The following TAF3 variants were observed in gnomAD, a reference collection of about 807,000 sequenced individuals.
TAF3 encodes TATA-box binding protein associated factor 3.
Under a neutral mutation model 80.6 loss-of-function variants are expected in TAF3, and 7 were observed. That is an observed-to-expected ratio of 0.09 (90% CI 0.05 to 0.16). The LOEUF is 0.16. Among genes scored for constraint, TAF3 ranks in the 10% least tolerant of loss-of-function variants. TAF3 has a pLI of 1.00. For missense variants in TAF3, 921 were observed against 1,140.2 expected, an observed-to-expected ratio of 0.81 and a Z score of 2.77; for synonymous variants, 444 against 446.1, an observed-to-expected ratio of 1.00 and a Z score of 0.06.
intron 2 of TAF3, among the ~76,000 whole-genome samples, chr10:7,935,515 C>G (rs1837909754): frequency 6.6e-6 from 1 of 151,996 alleles, no homozygotes; most frequent in African/African-American, 2.4e-5. Flanking sequence ...ACCCGGGAGG[C>G]GGAGCTTGCA....
intron 3 of TAF3, among the ~76,000 whole-genome samples, chr10:7,966,305 A>G (rs1831570967): frequency 6.6e-6 from 1 of 152,210 alleles, no homozygotes; most frequent in Non-Finnish European, 1.5e-5. Context: ...TTAATAAGAT[A>G]AGGGCACATT....
chr10:7,863,103 A>G (rs1837163398), intron 2 of TAF3, among the ~76,000 whole-genome samples: 1 of 152,184 alleles, frequency 6.6e-6, no homozygotes, highest in African/African-American at 2.4e-5. Flanking sequence ...TTCTGTGAAA[A>G]TCCAGGAAAC....
chr10:7,977,212 AT>A, intron 3 of TAF3, 28 bp from the exon 4 acceptor site: 1 of 1,611,014 alleles, frequency 6.2e-7, no homozygotes, highest in Non-Finnish European at 8.5e-7. Context: ...GAAAAACCAT[AT>A]TGAACTTTAA....
chr10:7,836,389 C>T (rs1836852705), intron 2 of TAF3, among the ~76,000 whole-genome samples: 1 of 151,604 alleles, frequency 6.6e-6, no homozygotes, highest in African/African-American at 2.4e-5. Context: ...ATTCTCCTGT[C>T]TCAGCCTCCC....
chr10:7,934,306 G>A (rs1837895941), intron 2 of TAF3, among the ~76,000 whole-genome samples: 1 of 152,234 alleles, frequency 6.6e-6, no homozygotes, highest in East Asian at 1.9e-4. Flanking sequence ...TAATTGGCAG[G>A]AGTTTTTTCG....
intron 2 of TAF3, among the ~76,000 whole-genome samples, chr10:7,872,213 A>ATTT (rs34945620): frequency 0.22 from 26,457 of 122,186 alleles, 2,532 homozygotes; most frequent in East Asian, 0.3. Flanking sequence ...TGTTGGGTTG[A>ATTT]TTTTTTTTTT....
intron 4 of TAF3, among the ~76,000 whole-genome samples, chr10:8,001,795 A>T (rs1013438716): frequency 6.6e-6 from 1 of 152,172 alleles, no homozygotes; most frequent in Non-Finnish European, 1.5e-5. Context: ...TAACTATACC[A>T]TCCAACAAGT....
chr10:7,947,613 A>G (rs781232634), intron 2 of TAF3, among the ~76,000 whole-genome samples: 52 of 152,218 alleles, frequency 3.4e-4, no homozygotes, highest in Non-Finnish European at 1.5e-4. Context: ...ACCTGGAGGA[A>G]CAGCACTGGG....
chr10:7,900,797 G>C lies in TAF3; in HGVS notation c.410-63123G>C, dbSNP rs184729303. Among the ~76,000 whole-genome samples the C allele has an allele frequency of 3.2e-3, 491 of 152,182 alleles. 4 individuals are homozygous for C. Among genetic ancestry groups the C allele is most frequent in the African/African-American group, 0.011 (473 of 41,524 alleles). On this transcript the variant is annotated intron_variant, in intron 2 of 6. Transcript: ENST00000344293. ...TTTTACTGAACTTTTTGCTCTTTAG[G>C]CTTCGTATTAAGAAGGTAAAGATTT...
intron 2 of TAF3, among the ~76,000 whole-genome samples, chr10:7,949,196 G>A (rs1451064618): frequency 6.6e-6 from 1 of 152,260 alleles, no homozygotes; most frequent in African/African-American, 2.4e-5. Flanking sequence ...AGAGAAAGAG[G>A]AAGGGGCTGG....
At chr10:7,967,049 G>A (rs1831577637) in intron 3 of TAF3, among the ~76,000 whole-genome samples, 1 of 152,170 alleles carries the variant, frequency 6.6e-6, no homozygotes, top group East Asian at 1.9e-4. Context: ...TAACACACCT[G>A]TGACATAGGT....
intron 2 of TAF3, among the ~76,000 whole-genome samples, chr10:7,915,850 G>A (rs556698597): frequency 2.7e-5 from 4 of 150,774 alleles, no homozygotes; most frequent in South Asian, 2.1e-4. Flanking sequence ...TTGGTGGTGG[G>A]CACCTGTAAT....
intron 2 of TAF3, chr10:7,833,843 G>A: frequency 1.3e-6 from 1 of 758,812 alleles, no homozygotes; most frequent in Admixed American, 3.7e-5. Flanking sequence ...CTCCCTTCCT[G>A]GGGACCGAGG....
intron 2 of TAF3, among the ~76,000 whole-genome samples, chr10:7,896,793 A>G (rs1332627473): frequency 6.6e-6 from 1 of 152,210 alleles, no homozygotes; most frequent in Non-Finnish European, 1.5e-5. Flanking sequence ...TTTCTGTAGG[A>G]CAGAAATTCA....
At chr10:7,855,303 G>C (rs1259289781) in intron 2 of TAF3, among the ~76,000 whole-genome samples, 1 of 152,174 alleles carries the variant, frequency 6.6e-6, no homozygotes, top group Non-Finnish European at 1.5e-5. Flanking sequence ...CTGAGCAGCT[G>C]CCTCTACAAA....
intron 2 of TAF3, among the ~76,000 whole-genome samples, chr10:7,922,460 A>G (rs1029514898): frequency 6.6e-6 from 1 of 152,064 alleles, no homozygotes; most frequent in Admixed American, 6.5e-5. Flanking sequence ...TGATATTCCA[A>G]ATAGCAAACA....
At chr10:7,944,581 A>G (rs1838007124) in intron 2 of TAF3, among the ~76,000 whole-genome samples, 1 of 152,214 alleles carries the variant, frequency 6.6e-6, no homozygotes, top group South Asian at 2.1e-4. Flanking sequence ...GCCTCAGAAA[A>G]CAATTAGTGC....
At chr10:7,838,908 G>GTT (rs71505463) in intron 2 of TAF3, among the ~76,000 whole-genome samples, 5 of 101,860 alleles carry the variant, frequency 4.9e-5, no homozygotes, top group Admixed American at 1.1e-4. Context: ...GGCATTGCTT[G>GTT]TTTTTTTTTT....
At chr10:7,963,529 C>A (rs1263760089) in intron 2 of TAF3, among the ~76,000 whole-genome samples, 3 of 152,166 alleles carry the variant, frequency 2.0e-5, no homozygotes, top group Non-Finnish European at 4.4e-5. Context: ...TTTTTAAACA[C>A]TGTCAATAAT....
Sources: gnomAD v4.1 joint callset for allele counts (sites outside exome capture counted in the v4.1 genomes callset) on GRCh38, gnomAD v4.1.1 for gene constraint, MANE v1.5 for transcripts, NCBI Gene and HGNC (gene_info 2026-07-23, HGNC 2026-07-21) for gene names.